SYT10: variants seen among roughly 807,000 people sequenced by gnomAD.
The protein encoded by SYT10 is synaptotagmin 10, also known as synaptotagmin-10.
Under a neutral mutation model 51.1 loss-of-function variants are expected in SYT10, and 31 were observed. The observed-to-expected ratio is 0.61, with a 90% CI of 0.46 to 0.82. SYT10 has a LOEUF of 0.82. Ranked by LOEUF, SYT10 falls within the 40% of genes least tolerant of loss-of-function variation. The probability of loss-of-function intolerance (pLI) is 0.00; values close to 1 mark genes in which losing one functional copy is unlikely to be tolerated. For synonymous variants in SYT10, 233 were observed against 225.9 expected (o/e 1.03, Z -0.28); for missense variants, 603 against 634.0 (o/e 0.95, Z 0.53).
At chr12:33,408,797 T>C (rs561286773) in intron 2 of SYT10, among the ~76,000 whole-genome samples, 1 of 152,328 alleles carries the variant, frequency 6.6e-6, no homozygotes, top group South Asian at 2.1e-4. Context: ...CGGTTCTTTA[T>C]CCCACAATCT....
In SYT10 at chr12:33,395,437, C is replaced by G. The variant is rs574503961; in HGVS notation, c.1078-10146G>C. 1.8e-4 allele frequency among the ~76,000 whole-genome samples: 27 copies of G among 152,310 alleles called. No individual in the cohort carries two copies. In the South Asian group the frequency reaches 5.0e-3, roughly 28 times the overall value. ...TTTTAACAGTATCTTTGGAACCTCA[C>G]TAAATTCCTAGAACTTACAATAGGC... On this transcript the variant is annotated intron_variant, in intron 3 of 6. Coordinates refer to ENST00000228567, the MANE Select transcript of SYT10 (RefSeq NM_198992.4).
At chr12:33,439,248 G>C in intron 1 of SYT10, 124 bp downstream of exon 1, 2 of 1,277,490 alleles carry the variant, frequency 1.6e-6, no homozygotes, top group Non-Finnish European at 1.1e-6. Flanking sequence ...GAGCGAGGTA[G>C]GAAAGCGTGG....
Position 33,382,477 on chromosome 12 carries a change from T to C in SYT10, c.1242A>G (p.Leu414=). 1 of 1,613,404 alleles carries C rather than the reference T, an allele frequency of 6.2e-7. No homozygotes were observed. Among genetic ancestry groups the C allele is most frequent in the Non-Finnish European group, 8.5e-7 (1 of 1,179,612 alleles). ...KVSLMCEGRR[L]KKRKTTTKKN... ...TCTTTGTAGTTGTTTTCCTCTTTTT[T>C]AATCTTCGACCTTCACACATCAGGG... is the stretch of plus-strand genomic sequence containing the variant. The change falls in exon 5 of 7, where the codon TTA becomes TTG. Residue 414 remains leucine, a synonymous_variant. Transcript: ENST00000228567.
chr12:33,426,062 TCACACACACACACACACACACACA>T (rs3046353), intron 2 of SYT10, 52 bp downstream of exon 2: 11 of 1,205,872 alleles, frequency 9.1e-6, no homozygotes, highest in African/African-American at 1.6e-5. Flanking sequence ...TTATGAAATT[TCACACACACACACACACACACACA>T]CACACACACA....
intron 4 of SYT10, among the ~76,000 whole-genome samples, chr12:33,383,619 T>A (rs1866134465): frequency 2.6e-5 from 4 of 152,194 alleles, no homozygotes; most frequent in Admixed American, 2.6e-4. Flanking sequence ...ATTTCTGTGA[T>A]ACAGCTTTGT....
In SYT10 at chr12:33,402,910, G is replaced by C. The variant is rs144808568; in HGVS notation, c.1077+3879C>G. The stretch of plus-strand genomic sequence containing the variant: ...ATTATGAGATATAATTATATAATTA[G>C]CATGAAGAAGGAAAAAGAGAGCCAT... On this transcript the variant is annotated intron_variant, in intron 3 of 6. Coordinates refer to ENST00000228567, the MANE Select transcript of SYT10 (RefSeq NM_198992.4). Among the ~76,000 whole-genome samples the C allele has an allele frequency of 4.6e-5, 7 of 152,076 alleles. No individual in the cohort carries two copies. The East Asian group carries it at 1.4e-3, about 29-fold the overall frequency.
At chr12:33,398,312 G>A (rs1190542081) in intron 3 of SYT10, among the ~76,000 whole-genome samples, 1 of 152,162 alleles carries the variant, frequency 6.6e-6, no homozygotes, top group East Asian at 1.9e-4. Context: ...AGGAGATCGA[G>A]ACCATCCTGG....
At chr12:33,411,651 A>G (rs1391721419) in intron 2 of SYT10, among the ~76,000 whole-genome samples, 4 of 152,176 alleles carry the variant, frequency 2.6e-5, no homozygotes, top group African/African-American at 4.8e-5. Flanking sequence ...ATTGGCCCCT[A>G]ATTGAAACTA....
rs539238961 is a variant in SYT10 at position 33,419,774 on chromosome 12, G to A, written c.509+6364C>T. 5.3e-5 allele frequency among the ~76,000 whole-genome samples: 8 copies of A among 152,216 alleles called. No homozygotes were observed. The South Asian group carries it at 1.5e-3, about 28-fold the overall frequency. On this transcript the variant is annotated intron_variant, in intron 2 of 6. Transcript: ENST00000228567. ...GAATGTATATGAAGTAATTAGCTTG[G>A]AAAATACTTCTTCATAGCTTCTGAT...
chr12:33,390,282 G>A (rs1866192405), intron 3 of SYT10, among the ~76,000 whole-genome samples: 1 of 152,148 alleles, frequency 6.6e-6, no homozygotes, highest in African/African-American at 2.4e-5. Context: ...GAGGAGGAAG[G>A]ATCCAATCCT....
At chr12:33,377,019 G>T in intron 6 of SYT10, 118 bp from the exon 7 acceptor site, 1 of 1,047,092 alleles carries the variant, frequency 9.6e-7, no homozygotes. Flanking sequence ...CTGAAGAAAG[G>T]AAATACATAA....
At position 33,376,174 on chromosome 12, in the gene SYT10, G is replaced by A. The variant is rs1337958234; in HGVS notation, c.*656C>T. ...TCAGCCTCCGTTTTTCAGCCAATAA[G>A]TATTACTTCTTAAATTTATATTCAA... On this transcript the variant is annotated 3_prime_UTR_variant, in exon 7 of 7. Transcript: ENST00000228567. 2 of 152,096 alleles carry A rather than the reference G, an allele frequency of 1.3e-5. No individual in the cohort carries two copies. Among genetic ancestry groups the A allele is most frequent in the Non-Finnish European group, 2.9e-5 (2 of 68,046 alleles). 9.4% of individuals were successfully genotyped at this position (152,096 alleles called of 1,614,324 possible).
At chr12:33,376,927 A>G (rs1866068233) in intron 6 of SYT10, 26 bp from the exon 7 acceptor site, 1 of 1,611,502 alleles carries the variant, frequency 6.2e-7, no homozygotes, top group Non-Finnish European at 8.5e-7. Context: ...TTCATAATGT[A>G]TGATCTAGTA....
chr12:33,421,203 T>C (rs1866500653), intron 2 of SYT10, among the ~76,000 whole-genome samples: 1 of 152,214 alleles, frequency 6.6e-6, no homozygotes, highest in Non-Finnish European at 1.5e-5. Flanking sequence ...ATTTTAAGCA[T>C]TACGCTTCTA....
intron 5 of SYT10, 100 bp from the exon 6 acceptor site, chr12:33,380,061 G>C: frequency 7.5e-7 from 1 of 1,336,662 alleles, no homozygotes; most frequent in Non-Finnish European, 1.0e-6. Context: ...TAAAACATTA[G>C]ATTCTGTAAT....
intron 3 of SYT10, among the ~76,000 whole-genome samples, chr12:33,390,929 T>A (rs185020894): frequency 6.6e-6 from 1 of 152,090 alleles, no homozygotes; most frequent in African/African-American, 2.4e-5. Flanking sequence ...TACGTTTTTT[T>A]TTGTTGTTGT....
intron 3 of SYT10, among the ~76,000 whole-genome samples, chr12:33,398,211 T>C (rs1391964004): frequency 6.6e-6 from 1 of 152,016 alleles, no homozygotes; most frequent in Non-Finnish European, 1.5e-5. Context: ...TCATACATTA[T>C]AAAAAGAAGC....
chr12:33,418,861 C>T (rs1229869981), intron 2 of SYT10, among the ~76,000 whole-genome samples: 2 of 152,192 alleles, frequency 1.3e-5, no homozygotes, highest in African/African-American at 4.8e-5. Flanking sequence ...TTCAATACAG[C>T]AGGCAGAATC....
rs1458604144 is a variant in SYT10, at chr12:33,376,895, C to G, written c.1507G>C (p.Gly503Arg). The G allele has an allele frequency of 3.1e-6, 5 of 1,613,824 alleles. No homozygotes were observed. The African/African-American group carries it at 6.7e-5, about 22-fold the overall frequency. The change falls in exon 7 of 7, where the codon GGC becomes CGC. Residue 503 changes from glycine to arginine, a missense_variant. Physicochemically the swap from Gly to Arg is moderately radical, Grantham distance 125. Coordinates refer to ENST00000228567, the MANE Select transcript of SYT10 (RefSeq NM_198992.4). Reference protein sequence around the residue: ...THWHPLLELPGRATSFDSQGS... With the variant: ...THWHPLLELPRRATSFDSQGS... ...TGACTATCAAAACTGGTCGCCCGGC[C>G]AGGTAACTGAAAGACAAAAATTTCA...
Sources: gnomAD v4.1 joint callset for allele counts (sites outside exome capture counted in the v4.1 genomes callset) on GRCh38, gnomAD v4.1.1 for gene constraint, MANE v1.5 for transcripts, NCBI Gene and HGNC (gene_info 2026-07-23, HGNC 2026-07-21) for gene names.